The following ATP10A variants were observed in gnomAD, a reference collection of about 807,000 sequenced individuals.
The protein encoded by ATP10A is phospholipid-transporting ATPase VA.
Under a neutral mutation model 147.8 loss-of-function variants are expected in ATP10A, and 111 were observed. The observed-to-expected ratio is 0.75, with a 90% CI of 0.64 to 0.88. The LOEUF (loss-of-function observed/expected upper bound fraction) is 0.88, where lower values mean the gene tolerates loss of function less well. ATP10A is among the 40% of genes least tolerant of loss of function. The pLI, the probability that ATP10A is intolerant of heterozygous loss-of-function variation, is 0.00. For missense variants in ATP10A, 1,927 were observed against 1,959.0 expected (o/e 0.98, Z 0.31); for synonymous variants, 875 against 841.6 (o/e 1.04, Z -0.69).
Position 25,791,492 on chromosome 15 carries a change from T to A in ATP10A, c.450-10269A>T, listed in dbSNP as rs571914660. On this transcript the variant is annotated intron_variant, in intron 1 of 20. Coordinates refer to ENST00000555815, the MANE Select transcript of ATP10A (RefSeq NM_024490.4). ...GCCTCGACCTCCTGGGCTCAAGCAA[T>A]CTTCCCACCTTGGCCTCTGGAGTAG... 3.6e-4 allele frequency among the ~76,000 whole-genome samples: 55 copies of A among 152,294 alleles called. No individual in the cohort carries two copies. In the South Asian group the frequency reaches 0.011, roughly 30 times the overall value.
intron 16 of ATP10A, among the ~76,000 whole-genome samples, chr15:25,685,560 G>A (rs1899667012): frequency 6.6e-6 from 1 of 152,086 alleles, no homozygotes; most frequent in South Asian, 2.1e-4. Context: ...GACTGGACAT[G>A]GTGGTTCATG....
intron 17 of ATP10A, among the ~76,000 whole-genome samples, 164 bp from the exon 18 acceptor site, chr15:25,681,238 A>G (rs1229076766): frequency 6.6e-6 from 1 of 152,312 alleles, no homozygotes; most frequent in African/African-American, 2.4e-5. Context: ...GAGGGTTCTC[A>G]TGCATAAATA....
intron 9 of ATP10A, 57 bp downstream of exon 9, chr15:25,716,673 A>G: frequency 6.9e-7 from 1 of 1,449,520 alleles, no homozygotes; most frequent in Non-Finnish European, 9.3e-7. Context: ...AGGACTGACA[A>G]CCATGGCCCG....
intron 1 of ATP10A, among the ~76,000 whole-genome samples, chr15:25,853,220 A>G (rs889410877): frequency 6.6e-6 from 1 of 152,234 alleles, no homozygotes; most frequent in Non-Finnish European, 1.5e-5. Context: ...CTAAAAAAGC[A>G]GAAATCAAAA....
intron 1 of ATP10A, among the ~76,000 whole-genome samples, chr15:25,817,138 A>C (rs752783029): frequency 6.6e-6 from 1 of 151,946 alleles, no homozygotes; most frequent in Non-Finnish European, 1.5e-5. Flanking sequence ...GCTGGAGTAC[A>C]ATGGTGCAAT....
At chr15:25,716,994 T>A in intron 8 of ATP10A, 70 bp from the exon 9 acceptor site, 1 of 1,272,518 alleles carries the variant, frequency 7.9e-7, no homozygotes, top group Non-Finnish European at 1.1e-6. Flanking sequence ...CGTGACTATT[T>A]AAGGTACTTT....
Position 25,679,705 on chromosome 15 carries a change from A to G in ATP10A, c.4136T>C (p.Val1379Ala), listed in dbSNP as rs773006684. 41 of 1,613,128 alleles carry G rather than the reference A, an allele frequency of 2.5e-5. No individual in the cohort carries two copies. The highest frequency in any genetic ancestry group is 3.5e-5 in the Non-Finnish European group (41 of 1,180,006). ...EPSTVDMSMP[V>A]REHTLLEGLS... Reference sequence around the variant, plus strand: ...CCCCTCCAGCAGGGTGTGCTCCCTCACTGGCATGCTCATGTCCACTGTGCT... The same window carrying G: ...CCCCTCCAGCAGGGTGTGCTCCCTCGCTGGCATGCTCATGTCCACTGTGCT... Residue 1379 changes from valine (V) to alanine (A), a missense_variant, in exon 21 of 21, where the codon GTG becomes GCG. Transcript: ENST00000555815.
chr15:25,767,144 G>C (rs1237406247), intron 2 of ATP10A, among the ~76,000 whole-genome samples: 1 of 152,208 alleles, frequency 6.6e-6, no homozygotes, highest in Non-Finnish European at 1.5e-5. Context: ...GGTATTCACA[G>C]GTGACACTCA....
At chr15:25,821,219 G>C (rs575178986) in intron 1 of ATP10A, among the ~76,000 whole-genome samples, 21 of 152,018 alleles carry the variant, frequency 1.4e-4, no homozygotes, top group African/African-American at 4.6e-4. Flanking sequence ...GGGCTACATA[G>C]CTAGACCCCT....
At chr15:25,746,885 G>A (rs12898930) in intron 2 of ATP10A, among the ~76,000 whole-genome samples, 2 of 151,920 alleles carry the variant, frequency 1.3e-5, no homozygotes, top group East Asian at 1.9e-4. Flanking sequence ...GGAAATGCTC[G>A]CTGGAGATTT....
At chr15:25,685,682 T>C (rs930264764) in intron 16 of ATP10A, among the ~76,000 whole-genome samples, 1 of 151,994 alleles carries the variant, frequency 6.6e-6, no homozygotes, top group African/African-American at 2.4e-5. Flanking sequence ...TAGAAAAAAT[T>C]AGCTGGGCAT....
At chr15:25,824,697 G>A (rs1477784090) in intron 1 of ATP10A, among the ~76,000 whole-genome samples, 11 of 151,198 alleles carry the variant, frequency 7.3e-5, no homozygotes, top group East Asian at 5.8e-4. Flanking sequence ...GCAAAATACC[G>A]TCAAAATCAA....
rs191677731 is a variant in ATP10A at position 25,689,451 on chromosome 15, G to A, written c.3166-1623C>T. On this transcript the variant is annotated intron_variant, in intron 15 of 20. Transcript: ENST00000555815. Reference sequence around the variant, plus strand: ...GTCTCCCCACCTTGGCTGAGCTGGGGAGTGCCTGCTCCTCCTGCCTGATCC... The same window carrying A: ...GTCTCCCCACCTTGGCTGAGCTGGGAAGTGCCTGCTCCTCCTGCCTGATCC... Among the ~76,000 whole-genome samples the A allele has an allele frequency of 3.0e-3, 455 of 152,242 alleles. 1 individual carries two copies. Among genetic ancestry groups the A allele is most frequent in the Non-Finnish European group, 4.9e-3 (332 of 68,016 alleles).
intron 2 of ATP10A, among the ~76,000 whole-genome samples, chr15:25,738,006 T>G (rs1887382276): frequency 6.6e-6 from 1 of 152,200 alleles, no homozygotes; most frequent in South Asian, 2.1e-4. Flanking sequence ...CTGCGGTGTT[T>G]CATCAATGAG....
intron 2 of ATP10A, among the ~76,000 whole-genome samples, chr15:25,777,098 T>C (rs1889650448): frequency 6.7e-6 from 1 of 149,148 alleles, no homozygotes; most frequent in East Asian, 2.1e-4. Context: ...CATACGTGCG[T>C]GTGTGTGTGT....
chr15:25,817,612 A>G (rs1348577), intron 1 of ATP10A, among the ~76,000 whole-genome samples: 89,108 of 152,160 alleles, frequency 0.59, 29,536 homozygotes, highest in East Asian at 0.78. Flanking sequence ...GCTCAAATGC[A>G]CACAAATTAT....
intron 1 of ATP10A, among the ~76,000 whole-genome samples, chr15:25,796,958 A>T (rs12595331): frequency 0.34 from 52,187 of 152,194 alleles, 9,079 homozygotes; most frequent in East Asian, 0.48. Flanking sequence ...CAAACCATTA[A>T]CATCTCACAT....
At chr15:25,751,676 A>G (rs1888162070) in intron 2 of ATP10A, among the ~76,000 whole-genome samples, 1 of 152,184 alleles carries the variant, frequency 6.6e-6, no homozygotes, top group African/African-American at 2.4e-5. Context: ...CTGCACAGCA[A>G]AAGAACAATT....
At chr15:25,775,585 C>T (rs1043065999) in intron 2 of ATP10A, among the ~76,000 whole-genome samples, 13 of 151,930 alleles carry the variant, frequency 8.6e-5, no homozygotes, top group African/African-American at 3.2e-4. Flanking sequence ...CACCACTGTG[C>T]ACACACACAC....
Sources: allele counts gnomAD v4.1 joint callset (sites outside exome capture counted in the v4.1 genomes callset), GRCh38; gene constraint gnomAD v4.1.1; transcripts MANE v1.5; gene names NCBI Gene and HGNC (gene_info 2026-07-23, HGNC 2026-07-21).